Variants in NSD1 observed in about 807,000 individuals in gnomAD.
The protein encoded by NSD1 is histone-lysine N-methyltransferase, H3 lysine-36 specific.
NSD1 carries 26 observed loss-of-function variants against 242.7 expected under a neutral mutation model. The ratio of observed to expected loss-of-function variants is 0.11; its 90% CI spans 0.08 to 0.15. The LOEUF (loss-of-function observed/expected upper bound fraction) is 0.15, where lower values mean the gene tolerates loss of function less well. NSD1 is among the 10% of genes least tolerant of loss of function. The pLI, the probability that NSD1 is intolerant of heterozygous loss-of-function variation, is 1.00. For missense variants in NSD1, 2,495 were observed against 3,272.8 expected, an observed-to-expected ratio of 0.76 and a Z score of 5.80; for synonymous variants, 1,106 against 1,178.1, an observed-to-expected ratio of 0.94 and a Z score of 1.25.
chr5:177,274,060 T>C (rs1340013164), intron 17 of NSD1, among the ~76,000 whole-genome samples: 1 of 151,834 alleles, frequency 6.6e-6, no homozygotes, highest in Non-Finnish European at 1.5e-5. Context: ...AGGCTGAGGC[T>C]GGAGAATTGC....
Position 177,135,247 on chromosome 5 carries a change from G to T in NSD1, c.144G>T (p.Met48Ile). 6.2e-7 allele frequency: 1 copy of T among 1,613,820 alleles called. No homozygotes were observed. The highest frequency in any genetic ancestry group is 8.5e-7 in the Non-Finnish European group (1 of 1,179,744). The change falls in exon 2 of 23, where the codon ATG becomes ATT. Residue 48 changes from methionine (M) to isoleucine (I), a missense_variant. Coordinates refer to ENST00000439151, the MANE Select transcript of NSD1 (RefSeq NM_022455.5). ...CTGAGCCACTTAATGGGTGTACTAT[G>T]CAGTTATCGACTGTCAGTGGAACAT... ...NFSEPLNGCT[M>I]QLSTVSGTSQ...
chr5:177,180,339 C>T (rs2149807530), intron 2 of NSD1, among the ~76,000 whole-genome samples: 1 of 152,290 alleles, frequency 6.6e-6, no homozygotes, highest in African/African-American at 2.4e-5. Flanking sequence ...CTCCTGACCT[C>T]AAGTGAGCCG....
chr5:177,158,995 ATTT>A (rs1223720939), intron 2 of NSD1, among the ~76,000 whole-genome samples: 2 of 67,028 alleles, frequency 3.0e-5, no homozygotes, highest in Admixed American at 1.6e-4. Flanking sequence ...TATATGAATG[ATTT>A]TATATATATA....
At chr5:177,276,065 A>G (rs1327815109) in intron 17 of NSD1, among the ~76,000 whole-genome samples, 1 of 151,938 alleles carries the variant, frequency 6.6e-6, no homozygotes, top group Non-Finnish European at 1.5e-5. Context: ...AGTAGCTGGG[A>G]TTACAGACAT....
chr5:177,157,285 G>C (rs1758216273), intron 2 of NSD1, among the ~76,000 whole-genome samples: 1 of 152,078 alleles, frequency 6.6e-6, no homozygotes, highest in Non-Finnish European at 1.5e-5. Flanking sequence ...AGAATTGCTT[G>C]AACCTGAGAG....
chr5:177,265,063 G>C lies in NSD1; in HGVS notation c.5147-2499G>C. 4.0e-6 allele frequency: 3 copies of C among 756,540 alleles called. No homozygotes were observed. In the South Asian group the frequency reaches 4.1e-5, roughly 10 times the overall value. The allele number at this position is 756,540 out of a possible 1,614,324, so 46.9% of individuals were successfully genotyped here. On this transcript the variant is annotated intron_variant, in intron 14 of 22. Coordinates refer to ENST00000439151, the MANE Select transcript of NSD1 (RefSeq NM_022455.5). ...TTGAGCACATTAAGCACTCCTAAGA[G>C]CCAAGATAGCTTCCTGAAACATGTG...
intron 17 of NSD1, among the ~76,000 whole-genome samples, chr5:177,278,316 C>G (rs1283538496): frequency 2.0e-5 from 3 of 152,110 alleles, no homozygotes; most frequent in Non-Finnish European, 2.9e-5. Context: ...CATTGTGTTG[C>G]CTGGTCTGGT....
intron 3 of NSD1, among the ~76,000 whole-genome samples, chr5:177,196,055 T>C (rs536107541): frequency 1.7e-4 from 26 of 152,130 alleles, no homozygotes; most frequent in Non-Finnish European, 3.2e-4. Flanking sequence ...TCATCAGTGG[T>C]GTTTGCTAAT....
chr5:177,237,991 C>A (rs1017056780), intron 6 of NSD1, among the ~76,000 whole-genome samples: 3 of 152,168 alleles, frequency 2.0e-5, no homozygotes, highest in African/African-American at 4.8e-5. Flanking sequence ...CAGCCCCTGG[C>A]AATTGCCATT....
chr5:177,234,336 C>T (rs1383294131), intron 5 of NSD1, among the ~76,000 whole-genome samples: 3 of 152,080 alleles, frequency 2.0e-5, no homozygotes, highest in African/African-American at 7.2e-5. Flanking sequence ...CTATAGATGA[C>T]ATGGTTAATG....
intron 21 of NSD1, among the ~76,000 whole-genome samples, chr5:177,291,509 C>A (rs1442773628): frequency 6.6e-6 from 1 of 152,022 alleles, no homozygotes; most frequent in Admixed American, 6.6e-5. Flanking sequence ...AAAAATTAGC[C>A]AGGAGTGGTG....
At chr5:177,198,382 C>T (rs1380762167) in intron 3 of NSD1, among the ~76,000 whole-genome samples, 2 of 152,106 alleles carry the variant, frequency 1.3e-5, no homozygotes, top group Non-Finnish European at 2.9e-5. Flanking sequence ...CTAGCCAATT[C>T]GGATCCCAAG....
intron 5 of NSD1, among the ~76,000 whole-genome samples, chr5:177,214,070 G>A (rs549657546): frequency 2.6e-5 from 4 of 151,952 alleles, no homozygotes; most frequent in African/African-American, 4.8e-5. Context: ...GGTGGCTCAC[G>A]CCTGTAATTC....
chr5:177,264,649 C>A, intron 14 of NSD1: 1 of 445,652 alleles, frequency 2.2e-6, no homozygotes, highest in Non-Finnish European at 4.2e-6. Flanking sequence ...TGAAACACAC[C>A]CCTGGCCCCA....
chr5:177,278,770 A>T (rs6886895), intron 17 of NSD1, among the ~76,000 whole-genome samples: 6,067 of 152,246 alleles, frequency 0.04, 409 homozygotes, highest in African/African-American at 0.14. Flanking sequence ...AACAGTCAAA[A>T]TTTTTTGTGC....
At position 177,248,432 on chromosome 5, in the gene NSD1, A is replaced by T. The variant is rs1303982354; in HGVS notation, c.4641+108A>T. 11 of 1,361,360 alleles carry T rather than the reference A, an allele frequency of 8.1e-6. No individual in the cohort carries two copies. The East Asian group carries it at 1.0e-4, about 12-fold the overall frequency. The allele number at this position is 1,361,360 out of a possible 1,614,324, so 84.3% of individuals were successfully genotyped here. On this transcript the variant is annotated intron_variant, in intron 11 of 22. Coordinates refer to ENST00000439151, the MANE Select transcript of NSD1 (RefSeq NM_022455.5). ...CTTGGTAGAATAACAATGCTTTTGG[A>T]TGATTCCAGTGGAGTCACTTTCTTT...
intron 20 of NSD1, among the ~76,000 whole-genome samples, chr5:177,284,788 T>G (rs965230713): frequency 8.5e-5 from 13 of 152,172 alleles, no homozygotes; most frequent in African/African-American, 3.1e-4. Flanking sequence ...ATCTTATGGG[T>G]TATGGACCCA....
At chr5:177,204,935 T>C (rs1762769687) in intron 4 of NSD1, among the ~76,000 whole-genome samples, 1 of 152,230 alleles carries the variant, frequency 6.6e-6, no homozygotes, top group Admixed American at 6.5e-5. Context: ...TCTTTTGTTA[T>C]CTTTTATGCA....
At chr5:177,181,866 A>G (rs535397400) in intron 2 of NSD1, among the ~76,000 whole-genome samples, 5 of 147,876 alleles carry the variant, frequency 3.4e-5, no homozygotes, top group African/African-American at 1.3e-4. Context: ...AAAATTTAAA[A>G]AATTAGCCAG....
Sources: gnomAD v4.1 joint callset for allele counts (sites outside exome capture counted in the v4.1 genomes callset) on GRCh38, gnomAD v4.1.1 for gene constraint, MANE v1.5 for transcripts, NCBI Gene and HGNC (gene_info 2026-07-23, HGNC 2026-07-21) for gene names.